ANO8: variants seen among roughly 807,000 people sequenced by gnomAD.
ANO8 encodes the protein anoctamin-8.
A neutral mutation model predicts 120.4 loss-of-function variants in ANO8; 67 were observed. That is an observed-to-expected ratio of 0.56 (90% CI 0.46 to 0.68). The LOEUF (loss-of-function observed/expected upper bound fraction) is 0.68, where lower values mean the gene tolerates loss of function less well. Among genes scored for constraint, ANO8 ranks in the 30% least tolerant of loss-of-function variants. The probability of loss-of-function intolerance (pLI) is 0.00; values close to 1 mark genes in which losing one functional copy is unlikely to be tolerated. For synonymous variants in ANO8, 727 were observed against 759.2 expected (o/e 0.96, Z 0.70); for missense variants, 1,526 against 1,737.6 (o/e 0.88, Z 2.16).
At position 17,328,377 on chromosome 19, in the gene ANO8, C is replaced by CA; in HGVS notation, c.2010dup (p.Glu671Ter). ...AACAAGATGGCCGGGGGCTCCCGTTCAGGGCTGCCGGGAGCCCCCTCCGCC... is the reference window on the plus strand; with the variant it reads ...AACAAGATGGCCGGGGGCTCCCGTTCAAGGGCTGCCGGGAGCCCCCTCCGCC... On this transcript the variant is annotated frameshift_variant, in exon 13 of 18. Coordinates refer to ENST00000159087, the MANE Select transcript of ANO8 (RefSeq NM_020959.3). LOFTEE classifies it high-confidence loss of function. 6.4e-7 allele frequency: 1 copy of CA among 1,573,938 alleles called. No homozygotes were observed. Among genetic ancestry groups the CA allele is most frequent in the Non-Finnish European group, 8.6e-7 (1 of 1,164,442 alleles).
chr19:17,329,923 C>T (rs757654985), intron 11 of ANO8, 36 bp downstream of exon 11: 14 of 1,613,908 alleles, frequency 8.7e-6, no homozygotes, highest in Middle Eastern at 3.3e-4. Context: ...ACAGCTTCCC[C>T]GTTGTCCCCC....
At position 17,326,134 on chromosome 19, in the gene ANO8, G is replaced by A. The variant is rs893702479; in HGVS notation, c.2662-748C>T. On this transcript the variant is annotated intron_variant, in intron 16 of 17. Coordinates refer to ENST00000159087, the MANE Select transcript of ANO8 (RefSeq NM_020959.3). ...TGTCCCCGGCTGTGTGCCAGACAGCGTCTTAGGAATTGGTAAAGTGGAAAC... is the reference window on the plus strand; with the variant it reads ...TGTCCCCGGCTGTGTGCCAGACAGCATCTTAGGAATTGGTAAAGTGGAAAC... Among the ~76,000 whole-genome samples, 9 of 152,164 alleles carry A rather than the reference G, an allele frequency of 5.9e-5. No homozygotes were observed. In the South Asian group the frequency reaches 8.3e-4, roughly 14 times the overall value.
At chr19:17,328,130 C>CCGCCCCCTGCGAGGCCT in intron 13 of ANO8, 32 bp downstream of exon 13, 1 of 1,502,498 alleles carries the variant, frequency 6.7e-7, no homozygotes, top group Non-Finnish European at 8.9e-7. Flanking sequence ...CGGCGAGGCC[C>CCGCCCCCTGCGAGGCCT]CGCCCCCTGC....
Position 17,333,566 on chromosome 19 carries a change from C to A in ANO8, c.218-12G>T. On this transcript the variant is annotated splice_polypyrimidine_tract_variant and intron_variant, in intron 2 of 17. Transcript: ENST00000159087. The surrounding 1 kb of genome is among the most constrained non-coding windows in gnomAD (Gnocchi z 7.2). ...GTCATCGGTCGTGTCTGCCAAGGGG[C>A]ACAGGGACCGATGGCTCCTGCCACG... The A allele has an allele frequency of 6.2e-7, 1 of 1,611,608 alleles. No individual in the cohort carries two copies. Among genetic ancestry groups the A allele is most frequent in the Non-Finnish European group, 8.5e-7 (1 of 1,179,838 alleles).
intron 13 of ANO8, 32 bp downstream of exon 13, chr19:17,328,130 C>A: frequency 1.3e-6 from 2 of 1,502,504 alleles, no homozygotes; most frequent in South Asian, 2.6e-5. Context: ...CGGCGAGGCC[C>A]CGCCCCCTGC....
At chr19:17,327,609 C>T (rs774003160) in intron 14 of ANO8, 40 bp from the exon 15 acceptor site, 31 of 1,609,768 alleles carry the variant, frequency 1.9e-5, no homozygotes, top group Admixed American at 3.3e-5. Flanking sequence ...GTCCAGCCGG[C>T]CTCCCCAGAC....
In ANO8 at chr19:17,328,455, C is replaced by T; in HGVS notation, c.1933G>A (p.Val645Met). 1 of 1,576,678 alleles carries T rather than the reference C, an allele frequency of 6.3e-7. No individual in the cohort carries two copies. Among genetic ancestry groups the T allele is most frequent in the Non-Finnish European group, 8.6e-7 (1 of 1,166,592 alleles). ...ACTCCCGGCTCCAGCCCCTTCTCCA[C>T]CATAGTGGGGCTCCCTTCCTCCAGG... ...ALLEEGSPTM[V>M]EKGLEPGVFT... is the part of the protein sequence containing the mutation. Residue 645 changes from valine (V) to methionine (M), a missense_variant, in exon 13 of 18, where the codon GTG becomes ATG. Val to Met is a conservative substitution (Grantham distance 21, BLOSUM62 1). Transcript: ENST00000159087.
Position 17,328,262 on chromosome 19 carries a change from T to C in ANO8, c.2126A>G (p.Gln709Arg). The change falls in exon 13 of 18, where the codon CAG (glutamine) becomes CGG (arginine). Residue 709 changes from glutamine (Q) to arginine (R), a missense_variant. This residue lies in a region of ANO8 where 467 missense variants were observed against 425.8 expected (regional missense o/e 1.10). Transcript: ENST00000159087. ...CCAAGACGACCGGTTCTGCCGTCTC[T>C]GCCTACGGGTCGAATCGCTGTTGGA... Reference protein sequence around the residue: ...PGSNSDSTRRQRRQNRSSWID... With the variant: ...PGSNSDSTRRRRRQNRSSWID... 2 of 1,611,110 alleles carry C rather than the reference T, an allele frequency of 1.2e-6. No individual in the cohort carries two copies. The highest frequency in any genetic ancestry group is 1.7e-6 in the Non-Finnish European group (2 of 1,178,936).
chr19:17,328,032 C>G, intron 13 of ANO8, 130 bp downstream of exon 13: 3 of 1,361,340 alleles, frequency 2.2e-6, no homozygotes, highest in Non-Finnish European at 3.0e-6. Context: ...GCTAGGCCTT[C>G]CTCTCCTGCA....
rs1300758642 is a variant in ANO8, at chr19:17,327,977, G to C, written c.2227-97C>G. Reference sequence around the variant, plus strand: ...CCTCAGATTATCCCATGTGGACCCAGGGCCTGTCCCCATCCTCAGCCAGCC... The same window carrying C: ...CCTCAGATTATCCCATGTGGACCCACGGCCTGTCCCCATCCTCAGCCAGCC... On this transcript the variant is annotated intron_variant, in intron 13 of 17. Transcript: ENST00000159087. 4 of 1,497,736 alleles carry C rather than the reference G, an allele frequency of 2.7e-6. No individual in the cohort carries two copies. In the Admixed American group the frequency reaches 8.5e-5, roughly 32 times the overall value. The allele number at this position is 1,497,736 out of a possible 1,614,324, so 92.8% of individuals were successfully genotyped here. A position where few individuals can be genotyped will look rare whatever the true frequency, so the allele number is the denominator to read the frequency against.
Position 17,324,719 on chromosome 19 carries a change from G to A in ANO8, c.3329C>T (p.Ser1110Leu). The A allele has an allele frequency of 1.3e-6, 2 of 1,522,920 alleles. No homozygotes were observed. Among genetic ancestry groups the A allele is most frequent in the Non-Finnish European group, 8.8e-7 (1 of 1,138,014 alleles). 94.3% of individuals were successfully genotyped at this position (1,522,920 alleles called of 1,614,324 possible). A position where few individuals can be genotyped will look rare whatever the true frequency, so the allele number is the denominator to read the frequency against. Residue 1110 changes from serine to leucine, a missense_variant and splice_region_variant, in exon 17 of 18, where the codon TCA (serine) becomes TTA (leucine). By Grantham distance (145) the Ser-to-Leu change is moderately radical. This residue lies in a region of ANO8 where 489 missense variants were observed against 548.6 expected (regional missense o/e 0.89). Coordinates refer to ENST00000159087, the MANE Select transcript of ANO8 (RefSeq NM_020959.3). The stretch of plus-strand genomic sequence containing the variant: ...ACCCCCGAGTTAAAGCTTGTGACCT[G>A]AGCCTTCCTCTTCGGGCCGGGGGGC... ...LEAPRPEEEG[S>L]GTALAPVGAP...
intron 5 of ANO8, among the ~76,000 whole-genome samples, chr19:17,331,778 C>T (rs993087944): frequency 8.6e-5 from 13 of 151,548 alleles, no homozygotes; most frequent in Non-Finnish European, 4.4e-5. Flanking sequence ...GGATTATAGG[C>T]GCCCACCACC....
rs907480873 is a variant in ANO8 at position 17,334,606 on chromosome 19, G to A, written c.65C>T (p.Pro22Leu). ...CGGGGCTGCAGGCTCGCCCTCCGGC[G>A]GGGGCCTCTTGCCACGCTCGCCCTC... ...SLEGERGKRP[P>L]PEGEPAAPAS... Residue 22 changes from proline (P) to leucine (L), a missense_variant, in exon 1 of 18, where the codon CCG becomes CTG. Pro to Leu is a moderately conservative substitution (Grantham distance 98). Around this residue, in one of 8 missense-constraint regions of ANO8, gnomAD observed 53 missense variants for 45.0 expected, o/e 1.18. Transcript: ENST00000159087. 3 of 1,540,878 alleles carry A rather than the reference G, an allele frequency of 1.9e-6. No homozygotes were observed. Among genetic ancestry groups the A allele is most frequent in the Middle Eastern group, 1.9e-4 (1 of 5,196 alleles).
Position 17,327,436 on chromosome 19 carries a change from A to C in ANO8, c.2550+2T>G. The stretch of plus-strand genomic sequence containing the variant: ...TGCCCCCGCCCCTGTCGCCGGCCCC[A>C]CCTCGAGCACTACCACCGACACGAT... On this transcript the variant is annotated splice_donor_variant, in intron 15 of 17. Coordinates refer to ENST00000159087, the MANE Select transcript of ANO8 (RefSeq NM_020959.3). LOFTEE classifies it high-confidence loss of function. 1.2e-6 allele frequency: 2 copies of C among 1,605,912 alleles called. No homozygotes were observed. Among genetic ancestry groups the C allele is most frequent in the Non-Finnish European group, 1.7e-6 (2 of 1,176,366 alleles).
At chr19:17,334,414 C>G (rs2074345312) in intron 1 of ANO8, 151 bp downstream of exon 1, 1 of 720,848 alleles carries the variant, frequency 1.4e-6, no homozygotes, top group Middle Eastern at 3.7e-4. Context: ...CAGCCCCGCC[C>G]GCCGGGCCGC....
chr19:17,326,779 G>C (rs556464658), intron 16 of ANO8, among the ~76,000 whole-genome samples: 23 of 152,150 alleles, frequency 1.5e-4, no homozygotes, highest in Admixed American at 3.9e-4. Flanking sequence ...AAGAAGCTGC[G>C]CTTCTAGGAA....
At position 17,323,547 on chromosome 19, in the gene ANO8, C is replaced by G; in HGVS notation, c.3669G>C (p.Gln1223His). 2 of 1,243,596 alleles carry G rather than the reference C, an allele frequency of 1.6e-6. No individual in the cohort carries two copies. The highest frequency in any genetic ancestry group is 2.0e-6 in the Non-Finnish European group (2 of 988,614). The allele number at this position is 1,243,596 out of a possible 1,614,324, so 77.0% of individuals were successfully genotyped here. The change falls in exon 18 of 18, where the codon CAG becomes CAC. Residue 1223 changes from glutamine (Q) to histidine (H), a missense_variant. By Grantham distance (24) the Gln-to-His change is conservative (BLOSUM62 0). Transcript: ENST00000159087. ...GCCAGCCGCTGGGCCAGCACACGGCCTGGGGGCTGGGGCTGGGGCTAGGGG... is the reference window on the plus strand; with the variant it reads ...GCCAGCCGCTGGGCCAGCACACGGCGTGGGGGCTGGGGCTGGGGCTAGGGG... ...APSPSPSPSPQAVCWPSGWH is the reference protein window; with the variant it reads ...APSPSPSPSPHAVCWPSGWH
rs767721389 is a variant in ANO8 at position 17,324,989 on chromosome 19, C to T, written c.3059G>A (p.Arg1020His). The T allele has an allele frequency of 8.7e-6, 14 of 1,612,990 alleles. No homozygotes were observed. Among genetic ancestry groups the T allele is most frequent in the South Asian group, 2.2e-5 (2 of 91,072 alleles). Residue 1020 changes from arginine to histidine, a missense_variant, in exon 17 of 18, where the codon CGC becomes CAC. Arg to His is a conservative substitution (Grantham distance 29). Around this residue, in one of 8 missense-constraint regions of ANO8, gnomAD observed 489 missense variants for 548.6 expected, o/e 0.89. Transcript: ENST00000159087. ...CTTGAAGCTGAGGAAGGCAGGCAGG[C>T]GGGTGTCGCTGCCTGTGGGTGACTG... ...PAQSPTGSDT[R>H]LPAFLSFKFL...
At position 17,334,708 on chromosome 19, in the gene ANO8, G is replaced by A. The variant is rs867501182; in HGVS notation, c.-38C>T. On this transcript the variant is annotated 5_prime_UTR_variant, in exon 1 of 18. Coordinates refer to ENST00000159087, the MANE Select transcript of ANO8 (RefSeq NM_020959.3). The stretch of plus-strand genomic sequence containing the variant: ...TCAGGTCAGGGGCTACGGACGGCCC[G>A]GGCGACGGGGAGCCGCGGGCTCATG... The A allele has an allele frequency of 1.9e-5, 25 of 1,339,554 alleles. No homozygotes were observed. In the African/African-American group the frequency reaches 3.4e-4, roughly 18 times the overall value. 83.0% of individuals were successfully genotyped at this position (1,339,554 alleles called of 1,614,324 possible).
Sources: allele counts gnomAD v4.1 joint callset (sites outside exome capture counted in the v4.1 genomes callset), GRCh38; gene constraint gnomAD v4.1.1; regional missense constraint gnomAD v4.1.1; non-coding constraint Gnocchi (gnomAD v3.1); transcripts MANE v1.5; gene names NCBI Gene and HGNC (gene_info 2026-07-23, HGNC 2026-07-21).